HHAT: variants seen among roughly 807,000 people sequenced by gnomAD.
HHAT encodes the protein hedgehog acyltransferase.
In HHAT, 47 loss-of-function variants were observed where a neutral mutation model predicts 70.8. The ratio of observed to expected loss-of-function variants is 0.66; its 90% CI spans 0.53 to 0.85. The LOEUF is 0.85. HHAT is among the 40% of genes least tolerant of loss of function. The pLI is 0.00. For missense variants in HHAT, 609 were observed against 604.8 expected, an observed-to-expected ratio of 1.01 and a Z score of -0.07; for synonymous variants, 228 against 247.6, an observed-to-expected ratio of 0.92 and a Z score of 0.74.
intron 7 of HHAT, among the ~76,000 whole-genome samples, chr1:210,429,181 A>G (rs979022085): frequency 2.0e-5 from 3 of 151,866 alleles, no homozygotes; most frequent in Non-Finnish European, 2.9e-5. Flanking sequence ...TGGATCTACC[A>G]TGTAGATCCA....
intron 3 of HHAT, among the ~76,000 whole-genome samples, chr1:210,373,342 G>C (rs1199885250): frequency 6.6e-6 from 1 of 152,130 alleles, no homozygotes; most frequent in Non-Finnish European, 1.5e-5. Context: ...CCTTCTCTCA[G>C]TACATTTCCT....
At chr1:210,490,871 G>A (rs6540599) in intron 8 of HHAT, among the ~76,000 whole-genome samples, 17,299 of 152,034 alleles carry the variant, frequency 0.11, 1,275 homozygotes, top group South Asian at 0.19. Context: ...GTAGAAAAAT[G>A]TTTCAACTAT....
chr1:210,674,400 T>A lies in HHAT; in HGVS notation c.*21T>A, dbSNP rs191482026. 307 of 1,593,388 alleles carry A rather than the reference T, an allele frequency of 1.9e-4. No individual in the cohort carries two copies. The highest frequency in any genetic ancestry group is 1.2e-3 in the Admixed American group (72 of 59,982). ...ACTAATGCTGTTGGGCCCAGGCCAG[T>A]CCTTGTTGCTGGCCTCCAAGGCAAA... is the stretch of plus-strand genomic sequence containing the variant. On this transcript the variant is annotated 3_prime_UTR_variant, in exon 12 of 12. Coordinates refer to ENST00000261458, the MANE Select transcript of HHAT (RefSeq NM_018194.6).
At chr1:210,449,086 G>A (rs906977281) in intron 7 of HHAT, among the ~76,000 whole-genome samples, 4 of 152,060 alleles carry the variant, frequency 2.6e-5, no homozygotes, top group African/African-American at 9.7e-5. Context: ...TTTAGATGCA[G>A]CGTGTGTTAG....
intron 10 of HHAT, among the ~76,000 whole-genome samples, chr1:210,619,176 G>A (rs1668344405): frequency 1.3e-5 from 2 of 152,278 alleles, no homozygotes; most frequent in South Asian, 2.1e-4. Context: ...TTCACAGGGA[G>A]AGAAACTGCC....
chr1:210,573,899 CAA>C (rs1339895957), intron 9 of HHAT, among the ~76,000 whole-genome samples: 4 of 151,974 alleles, frequency 2.6e-5, no homozygotes, highest in Non-Finnish European at 5.9e-5. Context: ...AAAGAAGAGG[CAA>C]AAGAGATGAA....
At chr1:210,507,587 T>A (rs545062681) in intron 8 of HHAT, among the ~76,000 whole-genome samples, 22 of 152,032 alleles carry the variant, frequency 1.4e-4, no homozygotes, top group African/African-American at 5.3e-4. Context: ...TCTTGAACTC[T>A]TGACCTTGTG....
intron 4 of HHAT, among the ~76,000 whole-genome samples, chr1:210,394,614 G>T (rs2091675762): frequency 6.6e-6 from 1 of 152,080 alleles, no homozygotes; most frequent in Admixed American, 6.6e-5. Context: ...CACAGAGCCG[G>T]GTTCTCACTG....
At chr1:210,554,974 G>C (rs767784485) in intron 9 of HHAT, among the ~76,000 whole-genome samples, 2 of 152,166 alleles carry the variant, frequency 1.3e-5, no homozygotes, top group Non-Finnish European at 1.5e-5. Context: ...CTGCCCACCA[G>C]ATAAAGGGGG....
chr1:210,486,478 CCCCTTTTCA>C (rs2094474151), intron 8 of HHAT, among the ~76,000 whole-genome samples: 1 of 152,176 alleles, frequency 6.6e-6, no homozygotes, highest in Admixed American at 6.5e-5. Context: ...GATGCTGGGT[CCCCTTTTCA>C]AGTATTCTGA....
At chr1:210,571,834 A>G (rs1181559044) in intron 9 of HHAT, among the ~76,000 whole-genome samples, 3 of 152,236 alleles carry the variant, frequency 2.0e-5, no homozygotes, top group Non-Finnish European at 4.4e-5. Flanking sequence ...TTTAATCTAC[A>G]GAAGACTCTG....
chr1:210,424,197 C>T (rs537957634), intron 7 of HHAT, among the ~76,000 whole-genome samples: 1 of 152,044 alleles, frequency 6.6e-6, no homozygotes, highest in South Asian at 2.1e-4. Flanking sequence ...TCTTTGTATC[C>T]TCTTCAGTGT....
intron 7 of HHAT, among the ~76,000 whole-genome samples, chr1:210,423,746 C>T (rs1273114056): frequency 1.3e-5 from 2 of 152,160 alleles, no homozygotes; most frequent in Non-Finnish European, 2.9e-5. Context: ...TGGTTCCATT[C>T]TTCTGCATAT....
intron 9 of HHAT, among the ~76,000 whole-genome samples, chr1:210,534,788 G>GT (rs1206411226): frequency 6.6e-6 from 1 of 152,150 alleles, no homozygotes; most frequent in Non-Finnish European, 1.5e-5. Context: ...AAATTTTAGA[G>GT]TTTTGAATTG....
intron 3 of HHAT, among the ~76,000 whole-genome samples, chr1:210,374,464 T>C (rs190057719): frequency 3.3e-5 from 5 of 152,344 alleles, no homozygotes; most frequent in Admixed American, 3.3e-4. Context: ...TGCAGGGTAC[T>C]ATGGGTATGC....
intron 4 of HHAT, among the ~76,000 whole-genome samples, chr1:210,389,904 G>C (rs1185974270): frequency 6.6e-6 from 1 of 152,204 alleles, no homozygotes; most frequent in East Asian, 1.9e-4. Flanking sequence ...AGCACCAGTT[G>C]TGGAGGGGAC....
At chr1:210,381,598 C>G (rs1362394611) in intron 3 of HHAT, among the ~76,000 whole-genome samples, 2 of 152,098 alleles carry the variant, frequency 1.3e-5, no homozygotes, top group African/African-American at 4.8e-5. Context: ...ATTTTTAAGG[C>G]TTACCCATGG....
chr1:210,593,596 C>CT (rs1332579256), intron 10 of HHAT, among the ~76,000 whole-genome samples: 2 of 152,142 alleles, frequency 1.3e-5, no homozygotes, highest in African/African-American at 4.8e-5. Context: ...AACATATGGT[C>CT]TATCCTTGAT....
intron 7 of HHAT, among the ~76,000 whole-genome samples, chr1:210,446,880 C>T (rs1176629366): frequency 3.9e-5 from 6 of 152,150 alleles, no homozygotes; most frequent in African/African-American, 1.2e-4. Flanking sequence ...AAATTTTCCT[C>T]TTTTGTCTGC....
Sources: allele counts gnomAD v4.1 joint callset (sites outside exome capture counted in the v4.1 genomes callset), GRCh38; gene constraint gnomAD v4.1.1; transcripts MANE v1.5; gene names NCBI Gene and HGNC (gene_info 2026-07-23, HGNC 2026-07-21).